The following GBF1 variants were observed in gnomAD, a reference collection of about 807,000 sequenced individuals.
GBF1 encodes the protein golgi brefeldin A resistant guanine nucleotide exchange factor 1, also known as Golgi-specific brefeldin A-resistance guanine nucleotide exchange factor 1.
Under a neutral mutation model 210.5 loss-of-function variants are expected in GBF1, and 114 were observed. The ratio of observed to expected loss-of-function variants is 0.54; its 90% CI spans 0.47 to 0.63. The LOEUF is 0.63. Ranked by LOEUF, GBF1 falls within the 30% of genes least tolerant of loss-of-function variation. GBF1 has a pLI of 0.00. For missense variants in GBF1, 1,851 were observed against 2,357.7 expected, an observed-to-expected ratio of 0.79 and a Z score of 4.45; for synonymous variants, 850 against 889.2, an observed-to-expected ratio of 0.96 and a Z score of 0.78.
chr10:102,338,105 T>C (rs1308656714), intron 3 of GBF1, among the ~76,000 whole-genome samples: 1 of 152,156 alleles, frequency 6.6e-6, no homozygotes. Context: ...ATAATGAAGG[T>C]TCCTGGTGGG....
intron 3 of GBF1, among the ~76,000 whole-genome samples, chr10:102,302,048 C>T (rs910656272): frequency 5.3e-5 from 8 of 152,204 alleles, no homozygotes; most frequent in South Asian, 2.1e-4. Flanking sequence ...AGATCACTCG[C>T]GGTTAGGAGC....
intron 6 of GBF1, 131 bp from the exon 7 acceptor site, chr10:102,352,327 C>G: frequency 1.4e-6 from 1 of 698,010 alleles, no homozygotes; most frequent in Non-Finnish European, 2.6e-6. Flanking sequence ...CCAGGCTGAG[C>G]TGGAGCTGGT....
chr10:102,369,478 A>G, intron 24 of GBF1, 91 bp downstream of exon 24: 1 of 1,092,702 alleles, frequency 9.2e-7, no homozygotes. Context: ...GGTTGAGAGT[A>G]ATGTTGGGCC....
chr10:102,352,486 T>A lies in GBF1; in HGVS notation c.552T>A (p.Thr184=). 6.2e-7 allele frequency: 1 copy of A among 1,612,390 alleles called. No individual in the cohort carries two copies. The highest frequency in any genetic ancestry group is 8.5e-7 in the Non-Finnish European group (1 of 1,178,388). The change falls in exon 7 of 40, where the codon ACT becomes ACA. Residue 184 remains threonine, a synonymous_variant. Transcript: ENST00000369983. ...TATTGAGAAAATCCGCAGAGCACACTCTCGTAGACATGGTGCAGCTGCTCT... is the reference window on the plus strand; with the variant it reads ...TATTGAGAAAATCCGCAGAGCACACACTCGTAGACATGGTGCAGCTGCTCT... The part of the protein sequence containing the change: ...SELLRKSAEH[T]LVDMVQLLFT...
At chr10:102,343,799 C>CAAAAA in intron 3 of GBF1, among the ~76,000 whole-genome samples, 1 of 124,310 alleles carries the variant, frequency 8.0e-6, no homozygotes, top group Admixed American at 8.2e-5. Context: ...CTCTGTCTGA[C>CAAAAA]AAAAAAAAAA....
At chr10:102,280,307 C>T (rs934100006) in intron 3 of GBF1, among the ~76,000 whole-genome samples, 1 of 152,076 alleles carries the variant, frequency 6.6e-6, no homozygotes, top group African/African-American at 2.4e-5. Flanking sequence ...TAACATTTAC[C>T]TTTACCCAGT....
intron 3 of GBF1, among the ~76,000 whole-genome samples, chr10:102,321,358 C>T (rs189663468): frequency 6.5e-4 from 88 of 135,150 alleles, no homozygotes; most frequent in Middle Eastern, 3.5e-3. Flanking sequence ...TAATTTGCAT[C>T]TTTCTTTAAT....
At chr10:102,357,818 G>GT (rs2059380451) in intron 8 of GBF1, among the ~76,000 whole-genome samples, 1 of 152,184 alleles carries the variant, frequency 6.6e-6, no homozygotes, top group South Asian at 2.1e-4. Context: ...GAAACAGAAT[G>GT]TCACCTTCTA....
chr10:102,332,656 T>C (rs1421697594), intron 3 of GBF1, among the ~76,000 whole-genome samples: 1 of 152,202 alleles, frequency 6.6e-6, no homozygotes, highest in Non-Finnish European at 1.5e-5. Context: ...AGTGCTGGGA[T>C]AACAAGCGTG....
chr10:102,301,514 G>A (rs1173797155), intron 3 of GBF1, among the ~76,000 whole-genome samples: 2 of 151,950 alleles, frequency 1.3e-5, no homozygotes, highest in South Asian at 2.1e-4. Context: ...CAGACGGGGC[G>A]GCTGCCGGGC....
chr10:102,255,137 T>C (rs1449550038), intron 1 of GBF1, among the ~76,000 whole-genome samples: 1 of 152,032 alleles, frequency 6.6e-6, no homozygotes, highest in East Asian at 1.9e-4. Flanking sequence ...ACCTCCTGGG[T>C]TCAAGTGATT....
Position 102,369,388 on chromosome 10 carries a change from G to A in GBF1, c.3150+1G>A. On this transcript the variant is annotated splice_donor_variant, in intron 24 of 39. Transcript: ENST00000369983. LOFTEE classifies it high-confidence loss of function. ...ACTACTGCCCAAGGCTATGATAGAGGTAATTCTTAGTAGGAGACTAGTGAG... is the reference window on the plus strand; with the variant it reads ...ACTACTGCCCAAGGCTATGATAGAGATAATTCTTAGTAGGAGACTAGTGAG... 6.2e-7 allele frequency: 1 copy of A among 1,606,654 alleles called. No homozygotes were observed. The highest frequency in any genetic ancestry group is 8.5e-7 in the Non-Finnish European group (1 of 1,173,418).
intron 39 of GBF1, 50 bp downstream of exon 39, chr10:102,381,305 C>A: frequency 6.3e-7 from 1 of 1,596,074 alleles, no homozygotes; most frequent in Non-Finnish European, 8.6e-7. Context: ...AAGCAGGGGG[C>A]CTAAGAGGAG....
Position 102,246,501 on chromosome 10 carries a change from GA to G in GBF1, c.-11+721del, listed in dbSNP as rs2070847447. Among the ~76,000 whole-genome samples, 3 of 152,208 alleles carry G rather than the reference GA, an allele frequency of 2.0e-5. No individual in the cohort carries two copies. The East Asian group carries it at 5.8e-4, about 29-fold the overall frequency. ...ATTTTTCTCTCAGATCTTCACTAAG[GA>G]GATGAGGCTTAATCATAAGGAAACC... On this transcript the variant is annotated intron_variant, in intron 1 of 39. Transcript: ENST00000369983.
intron 3 of GBF1, among the ~76,000 whole-genome samples, chr10:102,318,631 G>T (rs545831601): frequency 7.2e-5 from 11 of 151,924 alleles, no homozygotes; most frequent in Non-Finnish European, 1.5e-4. Flanking sequence ...GGTAATACAT[G>T]TACATAGTTT....
chr10:102,317,276 A>G (rs1206236758), intron 3 of GBF1, among the ~76,000 whole-genome samples: 1 of 152,184 alleles, frequency 6.6e-6, no homozygotes, highest in Non-Finnish European at 1.5e-5. Flanking sequence ...AAAAAATAAT[A>G]ATAGCCCATG....
intron 3 of GBF1, among the ~76,000 whole-genome samples, chr10:102,294,379 T>C (rs2076735214): frequency 1.5e-5 from 2 of 134,292 alleles, no homozygotes; most frequent in East Asian, 4.2e-4. Flanking sequence ...TTCTTTTTTT[T>C]CTTTTTCTTT....
intron 3 of GBF1, among the ~76,000 whole-genome samples, chr10:102,324,794 G>T (rs2056754918): frequency 1.3e-5 from 2 of 152,054 alleles, no homozygotes; most frequent in African/African-American, 4.8e-5. Context: ...CACCATGTTG[G>T]CCAGGCTGAT....
At chr10:102,347,448 G>A (rs2058651853) in intron 4 of GBF1, among the ~76,000 whole-genome samples, 3 of 152,166 alleles carry the variant, frequency 2.0e-5, no homozygotes, top group African/African-American at 4.8e-5. Context: ...AGTGGCTGCC[G>A]CTGCTGTGCC....
Sources: allele counts gnomAD v4.1 joint callset (sites outside exome capture counted in the v4.1 genomes callset), GRCh38; gene constraint gnomAD v4.1.1; transcripts MANE v1.5; gene names NCBI Gene and HGNC (gene_info 2026-07-23, HGNC 2026-07-21).